ADAMTSL1: variants seen among roughly 807,000 people sequenced by gnomAD.
ADAMTSL1 encodes ADAMTS like 1.
Under a neutral mutation model 201.8 loss-of-function variants are expected in ADAMTSL1, and 126 were observed. The ratio of observed to expected loss-of-function variants is 0.62; its 90% CI spans 0.54 to 0.72. The LOEUF is 0.72. Ranked by LOEUF, ADAMTSL1 falls within the 30% of genes least tolerant of loss-of-function variation. The pLI is 0.00. For missense variants in ADAMTSL1, 2,679 were observed against 2,277.8 expected (o/e 1.18, Z -3.59); for synonymous variants, 1,121 against 903.4 (o/e 1.24, Z -4.32).
intron 1 of ADAMTSL1, among the ~76,000 whole-genome samples, chr9:18,097,694 C>G (rs1421804635): frequency 6.6e-6 from 1 of 152,102 alleles, no homozygotes; most frequent in Non-Finnish European, 1.5e-5. Flanking sequence ...TAATGTTGAG[C>G]ATCTTTGTAG....
chr9:18,820,163 A>G (rs1824123293), intron 21 of ADAMTSL1, among the ~76,000 whole-genome samples: 1 of 152,230 alleles, frequency 6.6e-6, no homozygotes. Context: ...TGCTTAAAGC[A>G]GTATTTTATG....
chr9:18,354,912 A>G (rs1836144348), intron 2 of ADAMTSL1, among the ~76,000 whole-genome samples: 1 of 152,214 alleles, frequency 6.6e-6, no homozygotes, highest in South Asian at 2.1e-4. Context: ...CAGAGGTTGC[A>G]GTGAGCCAAG....
At chr9:18,336,236 C>G (rs1041802119) in intron 2 of ADAMTSL1, among the ~76,000 whole-genome samples, 1 of 151,342 alleles carries the variant, frequency 6.6e-6, no homozygotes, top group African/African-American at 2.4e-5. Flanking sequence ...GTCTATAAGA[C>G]AAAATTTAAG....
chr9:18,804,855 C>A (rs1021620323), intron 20 of ADAMTSL1, among the ~76,000 whole-genome samples: 3 of 152,158 alleles, frequency 2.0e-5, no homozygotes, highest in African/African-American at 7.2e-5. Flanking sequence ...TTGATATACT[C>A]ACTCTTTGTA....
At chr9:18,608,384 T>C (rs1366362460) in intron 4 of ADAMTSL1, among the ~76,000 whole-genome samples, 1 of 152,218 alleles carries the variant, frequency 6.6e-6, no homozygotes, top group Admixed American at 6.5e-5. Flanking sequence ...ATTTGGAATT[T>C]ATAGTTTCAG....
chr9:18,212,798 C>A (rs1829925509), intron 2 of ADAMTSL1, among the ~76,000 whole-genome samples: 1 of 152,080 alleles, frequency 6.6e-6, no homozygotes, highest in Non-Finnish European at 1.5e-5. Context: ...TGGACGATAA[C>A]CCTTAGGTCA....
At chr9:17,973,558 G>T (rs1818310295) in intron 1 of ADAMTSL1, among the ~76,000 whole-genome samples, 2 of 97,596 alleles carry the variant, frequency 2.0e-5, no homozygotes, top group Non-Finnish European at 4.9e-5. Flanking sequence ...TGCTGTTTTG[G>T]TTACTGTAGC....
chr9:18,089,892 GT>G (rs1823932607), intron 1 of ADAMTSL1, among the ~76,000 whole-genome samples: 1 of 152,136 alleles, frequency 6.6e-6, no homozygotes, highest in South Asian at 2.1e-4. Context: ...TGTTATAAGG[GT>G]AGATCTGTTA....
At chr9:17,974,125 C>T (rs1428396155) in intron 1 of ADAMTSL1, among the ~76,000 whole-genome samples, 2 of 151,864 alleles carry the variant, frequency 1.3e-5, no homozygotes, top group African/African-American at 2.4e-5. Flanking sequence ...TATGAGAAAC[C>T]CACAGCCAAT....
At chr9:18,800,345 C>G (rs979278190) in intron 20 of ADAMTSL1, among the ~76,000 whole-genome samples, 1 of 138,876 alleles carries the variant, frequency 7.2e-6, no homozygotes, top group African/African-American at 2.8e-5. Context: ...CCACTGTACT[C>G]CAGCCTGGGC....
At chr9:18,225,842 T>C (rs1363675832) in intron 2 of ADAMTSL1, among the ~76,000 whole-genome samples, 2 of 152,164 alleles carry the variant, frequency 1.3e-5, no homozygotes, top group Non-Finnish European at 2.9e-5. Flanking sequence ...TACTTATCTT[T>C]CTTTCTTCTT....
At chr9:18,196,055 T>C (rs1829163709) in intron 2 of ADAMTSL1, among the ~76,000 whole-genome samples, 2 of 152,256 alleles carry the variant, frequency 1.3e-5, no homozygotes, top group Admixed American at 1.3e-4. Flanking sequence ...TTTAGAACAT[T>C]GTGCCATTCC....
At chr9:18,121,080 G>A (rs1483934253) in intron 1 of ADAMTSL1, among the ~76,000 whole-genome samples, 1 of 152,102 alleles carries the variant, frequency 6.6e-6, no homozygotes, top group East Asian at 1.9e-4. Flanking sequence ...TTAAGATAAG[G>A]TTTGTTTTTA....
chr9:17,929,880 C>A (rs1826708142), intron 1 of ADAMTSL1, among the ~76,000 whole-genome samples: 1 of 152,068 alleles, frequency 6.6e-6, no homozygotes, highest in Non-Finnish European at 1.5e-5. Flanking sequence ...CGTCTGCCAT[C>A]CCCAGTACAT....
intron 1 of ADAMTSL1, among the ~76,000 whole-genome samples, chr9:17,933,760 C>T (rs139890986): frequency 2.6e-4 from 39 of 152,174 alleles, no homozygotes; most frequent in African/African-American, 8.7e-4. Flanking sequence ...AACCAGATTT[C>T]GTGAGAACTC....
intron 2 of ADAMTSL1, among the ~76,000 whole-genome samples, chr9:18,317,531 C>G (rs1338690873): frequency 1.3e-5 from 2 of 151,982 alleles, no homozygotes; most frequent in Admixed American, 1.3e-4. Flanking sequence ...ATTTGTACAC[C>G]TTGGATATAT....
chr9:18,650,074 C>A (rs1200107435), intron 7 of ADAMTSL1, among the ~76,000 whole-genome samples: 1 of 152,244 alleles, frequency 6.6e-6, no homozygotes, highest in East Asian at 1.9e-4. Context: ...GCTTTGTTTA[C>A]CTAAGCAAGC....
At chr9:18,395,988 G>A (rs1014777761) in intron 2 of ADAMTSL1, among the ~76,000 whole-genome samples, 3 of 152,170 alleles carry the variant, frequency 2.0e-5, no homozygotes, top group Non-Finnish European at 4.4e-5. Context: ...TCTGTGGAAG[G>A]AAACCTTTGA....
intron 7 of ADAMTSL1, among the ~76,000 whole-genome samples, chr9:18,656,384 C>A (rs1450782765): frequency 6.6e-6 from 1 of 152,058 alleles, no homozygotes; most frequent in Non-Finnish European, 1.5e-5. Flanking sequence ...GTTATCCCAG[C>A]ACTTTGGGAG....
Sources: gnomAD v4.1 joint callset for allele counts (sites outside exome capture counted in the v4.1 genomes callset) on GRCh38, gnomAD v4.1.1 for gene constraint, MANE v1.5 for transcripts, NCBI Gene and HGNC (gene_info 2026-07-23, HGNC 2026-07-21) for gene names.